PITPNA: variants seen among roughly 807,000 people sequenced by gnomAD.
PITPNA encodes phosphatidylinositol transfer protein alpha.
A neutral mutation model predicts 50.3 loss-of-function variants in PITPNA; 13 were observed. The ratio of observed to expected loss-of-function variants is 0.26; its 90% CI spans 0.17 to 0.41. The LOEUF (loss-of-function observed/expected upper bound fraction) is 0.41, where lower values mean the gene tolerates loss of function less well. PITPNA is among the 10% of genes least tolerant of loss of function. PITPNA has a pLI of 1.00. For synonymous variants in PITPNA, 120 were observed against 119.6 expected (o/e 1.00, Z -0.02); for missense variants, 207 against 333.4 (o/e 0.62, Z 2.95).
intron 7 of PITPNA, chr17:1,535,772 G>T: frequency 2.0e-6 from 1 of 507,552 alleles, no homozygotes; most frequent in South Asian, 2.1e-5. Context: ...TGTCTGAGCA[G>T]GCACATATTT....
chr17:1,539,793 A>G (rs527841182), intron 6 of PITPNA, among the ~76,000 whole-genome samples: 1 of 152,326 alleles, frequency 6.6e-6, no homozygotes, highest in Non-Finnish European at 1.5e-5. Context: ...CTGGAGTGCA[A>G]TGGCGCGATC....
chr17:1,561,948 C>G (rs2075770624), intron 1 of PITPNA, among the ~76,000 whole-genome samples: 1 of 152,198 alleles, frequency 6.6e-6, no homozygotes, highest in Admixed American at 6.5e-5. Flanking sequence ...GAGGCCCTGC[C>G]TGCCCCGGTG....
At chr17:1,556,676 G>A (rs191340952) in intron 2 of PITPNA, among the ~76,000 whole-genome samples, 59 of 152,264 alleles carry the variant, frequency 3.9e-4, no homozygotes, top group African/African-American at 1.4e-3. Flanking sequence ...TAACGATCGG[G>A]GTGGGATCAT....
At chr17:1,521,819 C>T (rs1362973315) in intron 10 of PITPNA, among the ~76,000 whole-genome samples, 174 bp from the exon 11 acceptor site, 1 of 151,158 alleles carries the variant, frequency 6.6e-6, no homozygotes, top group Non-Finnish European at 1.5e-5. Flanking sequence ...ATCTGTGTCA[C>T]TGGTCTCACC....
intron 11 of PITPNA, among the ~76,000 whole-genome samples, chr17:1,520,766 GGA>G (rs1294147122): frequency 2.0e-5 from 3 of 152,160 alleles, no homozygotes; most frequent in African/African-American, 7.2e-5. Context: ...CATGGGGCAG[GGA>G]GAGTAAGCAG....
chr17:1,548,180 T>G (rs2075688117), intron 4 of PITPNA, 116 bp downstream of exon 4: 6 of 636,532 alleles, frequency 9.4e-6, no homozygotes, highest in Non-Finnish European at 1.6e-5. Flanking sequence ...ATACCCACCA[T>G]CAGCCGGAAG....
chr17:1,560,312 G>A (rs1375299412), intron 1 of PITPNA, among the ~76,000 whole-genome samples: 6 of 152,286 alleles, frequency 3.9e-5, no homozygotes, highest in South Asian at 2.1e-4. Context: ...GGCCTGGAGC[G>A]GCACTCACTC....
chr17:1,536,282 T>G (rs1162272915), intron 7 of PITPNA, among the ~76,000 whole-genome samples: 1 of 128,222 alleles, frequency 7.8e-6, no homozygotes, highest in Non-Finnish European at 1.5e-5. Context: ...GCTGAGAAGT[T>G]TTTTTTTTTT....
At chr17:1,522,914 A>G (rs1246822178) in intron 10 of PITPNA, among the ~76,000 whole-genome samples, 1 of 152,166 alleles carries the variant, frequency 6.6e-6, no homozygotes, top group Non-Finnish European at 1.5e-5. Flanking sequence ...ACCTGAGAGA[A>G]ATGAGGGAGA....
At chr17:1,559,896 C>A (rs1200629122) in intron 1 of PITPNA, 2 of 405,308 alleles carry the variant, frequency 4.9e-6, no homozygotes, top group African/African-American at 4.3e-5. Context: ...TGCCAGTGAG[C>A]CTCCCCTCCC....
At chr17:1,547,594 G>A (rs1441595393) in intron 4 of PITPNA, among the ~76,000 whole-genome samples, 2 of 151,998 alleles carry the variant, frequency 1.3e-5, no homozygotes, top group African/African-American at 2.4e-5. Context: ...AGTTTGCAGT[G>A]AGCCAAGATT....
intron 10 of PITPNA, among the ~76,000 whole-genome samples, chr17:1,530,730 A>C (rs1003558480): frequency 9.2e-5 from 14 of 152,220 alleles, no homozygotes; most frequent in Admixed American, 7.2e-4. Context: ...AAAACTATGA[A>C]GACAACAGGA....
At chr17:1,543,208 A>G (rs1245696814) in intron 4 of PITPNA, among the ~76,000 whole-genome samples, 181 bp from the exon 5 acceptor site, 1 of 152,122 alleles carries the variant, frequency 6.6e-6, no homozygotes, top group Non-Finnish European at 1.5e-5. Context: ...CCAACCCTCA[A>G]ATTTCACTCA....
At chr17:1,526,789 G>A (rs531675575) in intron 10 of PITPNA, among the ~76,000 whole-genome samples, 4 of 152,280 alleles carry the variant, frequency 2.6e-5, no homozygotes, top group African/African-American at 9.6e-5. Context: ...TTTTGAGACG[G>A]AGTCTTGCTC....
Position 1,562,475 on chromosome 17 carries a change from C to T in PITPNA, c.20+66G>A. The T allele has an allele frequency of 7.6e-7, 1 of 1,313,554 alleles. No individual in the cohort carries two copies. The allele number at this position is 1,313,554 out of a possible 1,614,324, so 81.4% of individuals were successfully genotyped here. On this transcript the variant is annotated intron_variant, in intron 1 of 11. Transcript: ENST00000313486. The surrounding 1 kb of genome is among the most constrained non-coding windows in gnomAD (Gnocchi z 6.4). ...TCCGGGCCCTGCGTCCCTCGCCGCG[C>T]CGTCGCCCCGGCGGCCGTCCCCACC...
intron 2 of PITPNA, among the ~76,000 whole-genome samples, chr17:1,556,979 A>G (rs1239100182): frequency 6.6e-6 from 1 of 152,116 alleles, no homozygotes; most frequent in African/African-American, 2.4e-5. Flanking sequence ...CAGCATGGCC[A>G]AAGCAGGTGG....
At chr17:1,521,693 A>G in intron 10 of PITPNA, 48 bp from the exon 11 acceptor site, 1 of 1,517,710 alleles carries the variant, frequency 6.6e-7, no homozygotes, top group East Asian at 2.3e-5. Flanking sequence ...CTGCTGATGG[A>G]ACTCCTGCCT....
chr17:1,521,832 C>T (rs2075514844), intron 10 of PITPNA, among the ~76,000 whole-genome samples, 187 bp from the exon 11 acceptor site: 1 of 151,230 alleles, frequency 6.6e-6, no homozygotes, highest in African/African-American at 2.4e-5. Flanking sequence ...GTCTCACCAT[C>T]CATGATTTCT....
chr17:1,559,019 G>C (rs964159369), intron 1 of PITPNA, among the ~76,000 whole-genome samples: 1 of 152,052 alleles, frequency 6.6e-6, no homozygotes, highest in African/African-American at 2.4e-5. Flanking sequence ...GTTAACACAG[G>C]AGGACCTATC....
Sources: gnomAD v4.1 joint callset for allele counts (sites outside exome capture counted in the v4.1 genomes callset) on GRCh38, gnomAD v4.1.1 for gene constraint, Gnocchi (gnomAD v3.1) non-coding constraint, MANE v1.5 for transcripts, NCBI Gene and HGNC (gene_info 2026-07-23, HGNC 2026-07-21) for gene names.